The following PRICKLE2 variants were observed in gnomAD, a reference collection of about 807,000 sequenced individuals.
The protein encoded by PRICKLE2 is prickle-like protein 2.
Under a neutral mutation model 81.4 loss-of-function variants are expected in PRICKLE2, and 21 were observed. The observed-to-expected ratio is 0.26, with a 90% CI of 0.18 to 0.37. PRICKLE2 has a LOEUF of 0.37. PRICKLE2 is among the 10% of genes least tolerant of loss of function. PRICKLE2 has a pLI of 1.00. For synonymous variants in PRICKLE2, 456 were observed against 421.5 expected, an observed-to-expected ratio of 1.08 and a Z score of -1.00; for missense variants, 940 against 1,109.0, an observed-to-expected ratio of 0.85 and a Z score of 2.16.
intron 6 of PRICKLE2, among the ~76,000 whole-genome samples, chr3:64,149,032 G>A (rs749608600): frequency 3.3e-5 from 5 of 152,178 alleles, no homozygotes; most frequent in Non-Finnish European, 7.4e-5. Context: ...CTCTGGGAGC[G>A]TAAGTACCCT....
At chr3:64,109,932 C>G (rs1397127552) in intron 7 of PRICKLE2, among the ~76,000 whole-genome samples, 5 of 152,130 alleles carry the variant, frequency 3.3e-5, no homozygotes, top group Non-Finnish European at 5.9e-5. Flanking sequence ...GGTTTCTTAC[C>G]TTCTATCCCT....
intron 2 of PRICKLE2, among the ~76,000 whole-genome samples, chr3:64,172,570 T>G (rs1467004791): frequency 6.6e-6 from 1 of 152,222 alleles, no homozygotes; most frequent in Non-Finnish European, 1.5e-5. Flanking sequence ...CTTGAAGCAT[T>G]AATAAGAGGC....
rs2076617859 is a variant in PRICKLE2, at chr3:64,099,414, G to A, written c.2172C>T (p.Asp724=). The A allele has an allele frequency of 6.3e-7, 1 of 1,596,964 alleles. No homozygotes were observed. The change falls in exon 8 of 8, where the codon GAC becomes GAT. Residue 724 remains aspartate, a synonymous_variant. Transcript: ENST00000638394. The surrounding 1 kb of genome is among the most constrained non-coding windows in gnomAD (Gnocchi z 4.3). ...RPPLRAREDY[D]QFMRQRSFQE... Reference sequence around the variant, plus strand: ...GGAAGCTCCGCTGGCGCATAAATTGGTCATAGTCCTCCCTGGCTCTCAGAG... The same window carrying A: ...GGAAGCTCCGCTGGCGCATAAATTGATCATAGTCCTCCCTGGCTCTCAGAG...
At chr3:64,266,871 T>C (rs1043418632) in intron 2 of PRICKLE2, among the ~76,000 whole-genome samples, 2 of 151,372 alleles carry the variant, frequency 1.3e-5, no homozygotes, top group African/African-American at 4.9e-5. Context: ...TGGGCGGAAA[T>C]GGAATTTGGC....
At chr3:64,108,894 G>C (rs1389526278) in intron 7 of PRICKLE2, among the ~76,000 whole-genome samples, 1 of 152,108 alleles carries the variant, frequency 6.6e-6, no homozygotes, top group African/African-American at 2.4e-5. Context: ...ACTTCAGGAT[G>C]TTCAGCAGTA....
chr3:64,123,624 TG>T (rs1401139363), intron 7 of PRICKLE2, among the ~76,000 whole-genome samples: 2 of 152,236 alleles, frequency 1.3e-5, no homozygotes, highest in African/African-American at 4.8e-5. Context: ...TCTGTCACAT[TG>T]TGGTAATTCT....
chr3:64,109,941 C>T (rs2076816941), intron 7 of PRICKLE2, among the ~76,000 whole-genome samples: 1 of 152,138 alleles, frequency 6.6e-6, no homozygotes, highest in South Asian at 2.1e-4. Flanking sequence ...CCTTCTATCC[C>T]TTTCCTTGCT....
intron 2 of PRICKLE2, among the ~76,000 whole-genome samples, chr3:64,184,686 G>A (rs2078191132): frequency 6.6e-6 from 1 of 152,058 alleles, no homozygotes; most frequent in Non-Finnish European, 1.5e-5. Context: ...TGCCCAGGCT[G>A]GTTTCAAACT....
chr3:64,217,059 T>G (rs189713644), intron 1 of PRICKLE2, among the ~76,000 whole-genome samples: 1 of 152,320 alleles, frequency 6.6e-6, no homozygotes, highest in Non-Finnish European at 1.5e-5. Flanking sequence ...CTGAGGGCTA[T>G]GCAGTTGCTG....
intron 2 of PRICKLE2, among the ~76,000 whole-genome samples, chr3:64,232,179 C>G (rs986224895): frequency 1.3e-5 from 2 of 152,104 alleles, no homozygotes; most frequent in African/African-American, 4.8e-5. Context: ...TATGATGATC[C>G]ATCCTTGGTC....
At chr3:64,159,055 G>A (rs2077686221) in intron 4 of PRICKLE2, among the ~76,000 whole-genome samples, 1 of 152,200 alleles carries the variant, frequency 6.6e-6, no homozygotes, top group African/African-American at 2.4e-5. Context: ...CTGAGAGGTG[G>A]GGCAAGGTGT....
rs1255495214 is a variant in PRICKLE2, at chr3:64,164,700, G to A, written c.145-1571C>T. 2.0e-5 allele frequency among the ~76,000 whole-genome samples: 3 copies of A among 152,214 alleles called. No homozygotes were observed. The South Asian group carries it at 6.2e-4, about 31-fold the overall frequency. ...TAGACTAGCTAGATTTCCAAAGGCAGGGTCTGTATAAGCCCCTCCCTATAG... is the reference window on the plus strand; with the variant it reads ...TAGACTAGCTAGATTTCCAAAGGCAAGGTCTGTATAAGCCCCTCCCTATAG... On this transcript the variant is annotated intron_variant, in intron 2 of 7. Coordinates refer to ENST00000638394, the MANE Select transcript of PRICKLE2 (RefSeq NM_198859.4).
At chr3:64,191,199 A>G (rs1284964373) in intron 2 of PRICKLE2, among the ~76,000 whole-genome samples, 1 of 152,304 alleles carries the variant, frequency 6.6e-6, no homozygotes, top group South Asian at 2.1e-4. Flanking sequence ...TACAAACCCT[A>G]TGCTTAATCC....
intron 6 of PRICKLE2, among the ~76,000 whole-genome samples, chr3:64,152,864 A>G (rs1402172634): frequency 6.6e-6 from 1 of 152,186 alleles, no homozygotes; most frequent in Non-Finnish European, 1.5e-5. Context: ...GAGAATGCAA[A>G]TACTAAGACT....
intron 2 of PRICKLE2, among the ~76,000 whole-genome samples, chr3:64,191,869 A>G (rs544472810): frequency 6.6e-6 from 1 of 151,958 alleles, no homozygotes; most frequent in African/African-American, 2.4e-5. Flanking sequence ...CGAGATTCGG[A>G]TGGGGACATA....
At chr3:64,265,266 C>A (rs1396450792) in intron 2 of PRICKLE2, among the ~76,000 whole-genome samples, 1 of 152,068 alleles carries the variant, frequency 6.6e-6, no homozygotes, top group Non-Finnish European at 1.5e-5. Flanking sequence ...TAAAAAATAT[C>A]AAAGAAACTT....
intron 2 of PRICKLE2, among the ~76,000 whole-genome samples, chr3:64,178,967 C>CT (rs1470497756): frequency 4.6e-5 from 1 of 21,826 alleles, no homozygotes; most frequent in Non-Finnish European, 9.0e-5. Flanking sequence ...TACATATTTT[C>CT]TTTCTTTCTT....
In PRICKLE2 at chr3:64,106,341, A is replaced by G. The variant is rs1559510910; in HGVS notation, c.1661-6416T>C. Among the ~76,000 whole-genome samples the G allele has an allele frequency of 3.9e-5, 6 of 152,348 alleles. No individual in the cohort carries two copies. In the East Asian group the frequency reaches 9.6e-4, roughly 24 times the overall value. Reference sequence around the variant, plus strand: ...CACCGCTCACTGCCTGTTTTTCTAAATAAAGTTGTATTGGAACACAACCAC... The same window carrying G: ...CACCGCTCACTGCCTGTTTTTCTAAGTAAAGTTGTATTGGAACACAACCAC... On this transcript the variant is annotated intron_variant, in intron 7 of 7. Transcript: ENST00000638394.
Position 64,155,921 on chromosome 3 carries a change from G to C in PRICKLE2, c.600+1241C>G, listed in dbSNP as rs368142291. Among the ~76,000 whole-genome samples the C allele has an allele frequency of 2.0e-5, 3 of 152,292 alleles. No individual in the cohort carries two copies. The East Asian group carries it at 5.8e-4, about 29-fold the overall frequency. ...GATAAAGAGTTTCTCTTTAGTTGAT[G>C]AAAATGGTCTGGAATCAGCAGTGAT... On this transcript the variant is annotated intron_variant, in intron 5 of 7. Coordinates refer to ENST00000638394, the MANE Select transcript of PRICKLE2 (RefSeq NM_198859.4).
Sources: allele counts gnomAD v4.1 joint callset (sites outside exome capture counted in the v4.1 genomes callset), GRCh38; gene constraint gnomAD v4.1.1; non-coding constraint Gnocchi (gnomAD v3.1); transcripts MANE v1.5; gene names NCBI Gene and HGNC (gene_info 2026-07-23, HGNC 2026-07-21).